The following SEC11A variants were observed in gnomAD, a reference collection of about 807,000 sequenced individuals.
SEC11A encodes SEC11 homolog A, signal peptidase complex subunit.
Under a neutral mutation model 25.6 loss-of-function variants are expected in SEC11A, and 14 were observed. That is an observed-to-expected ratio of 0.55 (90% CI 0.36 to 0.85). The LOEUF (loss-of-function observed/expected upper bound fraction) is 0.85. SEC11A is among the 40% of genes least tolerant of loss of function. The pLI is 0.01. For synonymous variants in SEC11A, 83 were observed against 76.4 expected (o/e 1.09, Z -0.45); for missense variants, 153 against 222.9 (o/e 0.69, Z 2.00).
Position 84,687,732 on chromosome 15 carries a change from A to G in SEC11A, c.204T>C (p.Phe68=), listed in dbSNP as rs775960043. 1 of 1,604,004 alleles carries G rather than the reference A, an allele frequency of 6.2e-7. No individual in the cohort carries two copies. Among genetic ancestry groups the G allele is most frequent in the East Asian group, 2.2e-5 (1 of 44,514 alleles). The change falls in exon 3 of 6, where the codon TTT becomes TTC. Residue 68 remains phenylalanine (F), a synonymous_variant. Coordinates refer to ENST00000268220, the MANE Select transcript of SEC11A (RefSeq NM_014300.4). ...EPAFHRGDLL[F]LTNRVEDPIR... is the part of the protein sequence containing the mutation. ...TGGGATCTTCAACTCGATTTGTTAG[A>G]AAGAGAAGATCTCCTCTATGAAATG...
intron 3 of SEC11A, among the ~76,000 whole-genome samples, chr15:84,683,614 T>C (rs1302627384): frequency 1.3e-5 from 2 of 151,944 alleles, no homozygotes; most frequent in Non-Finnish European, 2.9e-5. Flanking sequence ...TGGAGTGCAA[T>C]GACGCGATCT....
chr15:84,688,975 G>A (rs1036302853), intron 2 of SEC11A, among the ~76,000 whole-genome samples: 1 of 151,264 alleles, frequency 6.6e-6, no homozygotes, highest in East Asian at 1.9e-4. Flanking sequence ...AGGTTGAATG[G>A]GCTGAGATTG....
At chr15:84,696,650 A>G in intron 1 of SEC11A, among the ~76,000 whole-genome samples, 1 of 152,194 alleles carries the variant, frequency 6.6e-6, no homozygotes, top group Admixed American at 6.5e-5. Context: ...CATGTACCCT[A>G]TGTTACATAT....
At chr15:84,685,437 T>A (rs1897390984) in intron 3 of SEC11A, among the ~76,000 whole-genome samples, 2 of 149,998 alleles carry the variant, frequency 1.3e-5, no homozygotes, top group Admixed American at 6.6e-5. Context: ...TTTTTTTTTT[T>A]TTTTTATTTG....
intron 5 of SEC11A, 101 bp from the exon 6 acceptor site, chr15:84,670,170 C>A: frequency 9.7e-7 from 1 of 1,033,432 alleles, no homozygotes; most frequent in Non-Finnish European, 1.4e-6. Context: ...TATCGCTAAA[C>A]TACCCAATTA....
chr15:84,710,984 C>G (rs931765164), intron 1 of SEC11A, among the ~76,000 whole-genome samples: 1 of 151,510 alleles, frequency 6.6e-6, no homozygotes, highest in Non-Finnish European at 1.5e-5. Flanking sequence ...GCAGGAGAAT[C>G]GCTTGAACCC....
intron 4 of SEC11A, among the ~76,000 whole-genome samples, chr15:84,680,365 C>T (rs1897255530): frequency 6.6e-6 from 1 of 151,902 alleles, no homozygotes; most frequent in Non-Finnish European, 1.5e-5. Context: ...TGCTCTAGAC[C>T]CCCAGAGGCT....
chr15:84,680,573 A>C, intron 4 of SEC11A, 140 bp downstream of exon 4: 2 of 878,052 alleles, frequency 2.3e-6, no homozygotes. Context: ...TAAGAAGCAA[A>C]ATTTTCAAAG....
chr15:84,703,674 T>C (rs1898013754), intron 1 of SEC11A, among the ~76,000 whole-genome samples: 1 of 152,194 alleles, frequency 6.6e-6, no homozygotes, highest in Non-Finnish European at 1.5e-5. Flanking sequence ...GAGAGATGAC[T>C]ACAGATGTAG....
At chr15:84,680,618 T>C (rs1419199032) in intron 4 of SEC11A, 95 bp downstream of exon 4, 7 of 1,263,502 alleles carry the variant, frequency 5.5e-6, no homozygotes, top group African/African-American at 1.5e-5. Flanking sequence ...CAGAACCAAA[T>C]CTCTATATTC....
intron 1 of SEC11A, among the ~76,000 whole-genome samples, chr15:84,699,868 T>C (rs1385603361): frequency 1.3e-5 from 2 of 151,920 alleles, no homozygotes; most frequent in Admixed American, 6.5e-5. Flanking sequence ...CTCCTGAGGA[T>C]GGAAAAACAA....
chr15:84,699,356 A>G (rs947035816), intron 1 of SEC11A, among the ~76,000 whole-genome samples: 46 of 152,120 alleles, frequency 3.0e-4, no homozygotes, highest in African/African-American at 1.1e-3. Flanking sequence ...AAAAAAACAA[A>G]ATATGCTGTT....
chr15:84,707,034 T>G (rs545588517), intron 1 of SEC11A, among the ~76,000 whole-genome samples: 10 of 152,232 alleles, frequency 6.6e-5, no homozygotes, highest in Admixed American at 5.9e-4. Context: ...AGCAGCTGGA[T>G]GTGGAATCCT....
At chr15:84,700,840 C>A (rs911057021) in intron 1 of SEC11A, among the ~76,000 whole-genome samples, 1 of 151,006 alleles carries the variant, frequency 6.6e-6, no homozygotes, top group Non-Finnish European at 1.5e-5. Context: ...ATTAGCCAGG[C>A]GTGGTGGCGC....
At chr15:84,688,307 A>G (rs1404402904) in intron 2 of SEC11A, among the ~76,000 whole-genome samples, 3 of 152,238 alleles carry the variant, frequency 2.0e-5, no homozygotes, top group Admixed American at 2.0e-4. Flanking sequence ...TGTGTTATCA[A>G]TTTACTTATT....
intron 1 of SEC11A, among the ~76,000 whole-genome samples, chr15:84,715,252 C>T (rs1898422795): frequency 6.6e-6 from 1 of 152,146 alleles, no homozygotes; most frequent in South Asian, 2.1e-4. Flanking sequence ...CTAGGCTCTA[C>T]AGACACACTA....
At chr15:84,713,489 T>A (rs980289826) in intron 1 of SEC11A, among the ~76,000 whole-genome samples, 3 of 152,174 alleles carry the variant, frequency 2.0e-5, no homozygotes, top group Non-Finnish European at 4.4e-5. Context: ...TCTCATTTCA[T>A]AACTCTCCCT....
intron 1 of SEC11A, among the ~76,000 whole-genome samples, chr15:84,712,435 C>T (rs554025807): frequency 1.4e-5 from 2 of 144,462 alleles, no homozygotes; most frequent in Non-Finnish European, 3.0e-5. Flanking sequence ...GAAACATACT[C>T]TTTTCTTTTT....
intron 1 of SEC11A, among the ~76,000 whole-genome samples, chr15:84,713,046 T>G (rs1898333849): frequency 6.6e-6 from 1 of 151,936 alleles, no homozygotes; most frequent in African/African-American, 2.4e-5. Context: ...TACAAAAAAT[T>G]AGCCGGGTGT....
Sources: gnomAD v4.1 joint callset for allele counts (sites outside exome capture counted in the v4.1 genomes callset) on GRCh38, gnomAD v4.1.1 for gene constraint, MANE v1.5 for transcripts, NCBI Gene and HGNC (gene_info 2026-07-23, HGNC 2026-07-21) for gene names.